Variants in TPRG1 observed in about 807,000 individuals in gnomAD.
The protein encoded by TPRG1 is tumor protein p63 regulated 1.
Under a neutral mutation model 29.3 loss-of-function variants are expected in TPRG1, and 29 were observed. That is an observed-to-expected ratio of 0.99 (90% confidence interval 0.74 to 1.35). The LOEUF (loss-of-function observed/expected upper bound fraction) is 1.35. Ranked by LOEUF, TPRG1 falls within the 40% of genes most tolerant of loss-of-function variation. The pLI is 0.00. For missense variants in TPRG1, 327 were observed against 335.0 expected, an observed-to-expected ratio of 0.98 and a Z score of 0.19; for synonymous variants, 130 against 116.8, an observed-to-expected ratio of 1.11 and a Z score of -0.73.
chr3:189,078,304 AT>A (rs1717362992), intron 4 of TPRG1, among the ~76,000 whole-genome samples: 1 of 151,466 alleles, frequency 6.6e-6, no homozygotes, highest in South Asian at 2.1e-4. Flanking sequence ...TGCTTGGCTA[AT>A]TTTTGTATTT....
In TPRG1 at chr3:189,019,631, T is replaced by C. The variant is rs1385795110; in HGVS notation, c.-659-4119T>C. 3.3e-5 allele frequency among the ~76,000 whole-genome samples: 5 copies of C among 152,198 alleles called. No homozygotes were observed. In the South Asian group the frequency reaches 6.2e-4, roughly 19 times the overall value. On this transcript the variant is annotated intron_variant, in intron 3 of 10. Coordinates refer to the TPRG1 transcript ENST00000433971. ...TTTTGATGTGCTGCTGGATTTGTTT[T>C]GCCAGTATTTTATTGAGGATTTTTG...
At chr3:189,125,455 A>G (rs1384342337) in intron 1 of TPRG1, among the ~76,000 whole-genome samples, 2 of 152,230 alleles carry the variant, frequency 1.3e-5, no homozygotes, top group South Asian at 4.1e-4. Context: ...CTGTCAGACC[A>G]TATGATCTTC....
chr3:189,315,697 C>T (rs988725491), intron 5 of TPRG1: 2 of 285,686 alleles, frequency 7.0e-6, no homozygotes, highest in African/African-American at 4.5e-5. Flanking sequence ...ACTCTTAGCC[C>T]TTTGTTTGCC....
chr3:189,114,808 G>T (rs942125745), intron 1 of TPRG1, among the ~76,000 whole-genome samples: 14 of 152,180 alleles, frequency 9.2e-5, no homozygotes, highest in African/African-American at 3.4e-4. Flanking sequence ...ATAGAAATTA[G>T]TGGTATTTAA....
chr3:189,244,645 T>C (rs1741118071), intron 4 of TPRG1, among the ~76,000 whole-genome samples: 1 of 151,856 alleles, frequency 6.6e-6, no homozygotes, highest in African/African-American at 2.4e-5. Flanking sequence ...ATGAGGAGAG[T>C]ACCAAGAGGA....
intron 4 of TPRG1, among the ~76,000 whole-genome samples, chr3:189,039,609 G>A (rs1714500379): frequency 6.6e-6 from 1 of 152,184 alleles, no homozygotes; most frequent in Non-Finnish European, 1.5e-5. Context: ...TTCCTTCTGT[G>A]TAGTGAAAAG....
intron 4 of TPRG1, among the ~76,000 whole-genome samples, chr3:189,271,315 C>A (rs1367486788): frequency 6.6e-6 from 1 of 152,196 alleles, no homozygotes; most frequent in Non-Finnish European, 1.5e-5. Context: ...CCTCTATTCA[C>A]ATGATGGCCT....
chr3:189,011,883 T>G (rs913023960), intron 3 of TPRG1, among the ~76,000 whole-genome samples: 12 of 152,366 alleles, frequency 7.9e-5, no homozygotes, highest in Admixed American at 2.6e-4. Flanking sequence ...TATTTTATTC[T>G]TTTTGTAGCA....
chr3:189,187,698 C>G (rs1731135400), intron 1 of TPRG1, among the ~76,000 whole-genome samples: 1 of 152,128 alleles, frequency 6.6e-6, no homozygotes, highest in South Asian at 2.1e-4. Flanking sequence ...GTTTAAATTG[C>G]CACTCAAACT....
At chr3:189,071,746 CAG>C (rs1284512768) in intron 4 of TPRG1, among the ~76,000 whole-genome samples, 1 of 152,174 alleles carries the variant, frequency 6.6e-6, no homozygotes, top group East Asian at 1.9e-4. Context: ...GATTAATGAG[CAG>C]AGTTACATTT....
At chr3:189,198,241 A>G (rs1306290684) in intron 1 of TPRG1, among the ~76,000 whole-genome samples, 2 of 152,152 alleles carry the variant, frequency 1.3e-5, no homozygotes, top group Non-Finnish European at 2.9e-5. Flanking sequence ...CCTCTAGTGT[A>G]CAGTCAGCTC....
At chr3:189,310,853 T>C (rs1486403021) in intron 5 of TPRG1, among the ~76,000 whole-genome samples, 1 of 152,132 alleles carries the variant, frequency 6.6e-6, no homozygotes, top group Non-Finnish European at 1.5e-5. Context: ...CTAATTATTT[T>C]ATTCATGGAA....
At chr3:189,178,858 C>T (rs907522458) in intron 1 of TPRG1, among the ~76,000 whole-genome samples, 1 of 152,328 alleles carries the variant, frequency 6.6e-6, no homozygotes, top group Non-Finnish European at 1.5e-5. Context: ...ACTCACACTT[C>T]TGAGCAATGT....
chr3:189,262,389 G>T lies in TPRG1; in HGVS notation c.479+23480G>T, dbSNP rs1044434606. Among the ~76,000 whole-genome samples, 9 of 152,142 alleles carry T rather than the reference G, an allele frequency of 5.9e-5. No individual in the cohort carries two copies. In the East Asian group the frequency reaches 7.8e-4, roughly 13 times the overall value. On this transcript the variant is annotated intron_variant, in intron 4 of 5. Coordinates refer to ENST00000345063, the MANE Select transcript of TPRG1 (RefSeq NM_198485.4). ...AGGATGCACTTCATGCTCATTACTG[G>T]GGGTGCCTGAGAGGCTATGGGAAGA... is the stretch of plus-strand genomic sequence containing the variant.
At chr3:189,018,929 C>CTT (rs1330465640) in intron 3 of TPRG1, among the ~76,000 whole-genome samples, 1 of 151,742 alleles carries the variant, frequency 6.6e-6, no homozygotes, top group Non-Finnish European at 1.5e-5. Flanking sequence ...TGTAGTTCTC[C>CTT]TTGAAGAGGT....
intron 4 of TPRG1, among the ~76,000 whole-genome samples, chr3:189,295,090 A>G (rs1340346831): frequency 6.6e-6 from 1 of 152,172 alleles, no homozygotes; most frequent in Non-Finnish European, 1.5e-5. Context: ...TCTTTCTCCA[A>G]TCTTTGAATG....
intron 1 of TPRG1, among the ~76,000 whole-genome samples, chr3:189,102,802 G>A (rs1578359464): frequency 6.6e-6 from 1 of 152,120 alleles, no homozygotes; most frequent in East Asian, 1.9e-4. Flanking sequence ...GCTTCATCAT[G>A]TTAATATTTC....
chr3:189,281,042 G>T (rs78712735), intron 4 of TPRG1, among the ~76,000 whole-genome samples: 4,993 of 152,160 alleles, frequency 0.033, 291 homozygotes, highest in African/African-American at 0.11. Context: ...CCCAATTCAG[G>T]CCCAATAACT....
At chr3:189,163,503 G>A (rs1380353106) in intron 5 of TPRG1, among the ~76,000 whole-genome samples, 4 of 152,116 alleles carry the variant, frequency 2.6e-5, no homozygotes, top group African/African-American at 9.7e-5. Flanking sequence ...GCTTGTTATA[G>A]CCAATTGTTT....
Sources: allele counts gnomAD v4.1 joint callset (sites outside exome capture counted in the v4.1 genomes callset), GRCh38; gene constraint gnomAD v4.1.1; transcripts MANE v1.5; gene names NCBI Gene and HGNC (gene_info 2026-07-23, HGNC 2026-07-21).